WIPF3: variants seen among roughly 807,000 people sequenced by gnomAD.
The protein encoded by WIPF3 is WAS/WASL-interacting protein family member 3.
Under a neutral mutation model 38.9 loss-of-function variants are expected in WIPF3, and 33 were observed. The observed-to-expected ratio is 0.85, with a 90% CI of 0.64 to 1.14. The LOEUF is 1.14. Ranked by LOEUF, WIPF3 falls within the 50% of genes most tolerant of loss-of-function variation. The pLI is 0.00. For missense variants in WIPF3, 711 were observed against 652.5 expected (o/e 1.09, Z -0.98); for synonymous variants, 324 against 269.3 (o/e 1.20, Z -1.99).
chr7:29,854,543 C>G (rs1292113812), intron 2 of WIPF3, among the ~76,000 whole-genome samples: 2 of 152,144 alleles, frequency 1.3e-5, no homozygotes, highest in East Asian at 3.9e-4. Context: ...TTGAGGAGTC[C>G]TGTTTAACAG....
In WIPF3 at chr7:29,835,536, A is replaced by G. The variant is rs140724208; in HGVS notation, c.90+722A>G. On this transcript the variant is annotated intron_variant, in intron 2 of 8. Coordinates refer to ENST00000242140, the MANE Select transcript of WIPF3 (RefSeq NM_001080529.3). ...CCACTAGATGCCAGTAGCACCCCCC[A>G]ATTGTGGCAGTAAAAAAATGGCCCT... Among the ~76,000 whole-genome samples, 189 of 152,172 alleles carry G rather than the reference A, an allele frequency of 1.2e-3. 2 individuals carry two copies. The highest frequency in any genetic ancestry group is 4.3e-3 in the African/African-American group (178 of 41,540).
intron 8 of WIPF3, among the ~76,000 whole-genome samples, chr7:29,912,146 AAAC>A (rs1207608692): frequency 1.3e-5 from 2 of 152,192 alleles, no homozygotes; most frequent in Non-Finnish European, 2.9e-5. Flanking sequence ...TAAAGAAGAT[AAAC>A]AAATGGCCAA....
intron 1 of WIPF3, among the ~76,000 whole-genome samples, chr7:29,827,080 C>T (rs1025866536): frequency 6.6e-6 from 1 of 152,170 alleles, no homozygotes; most frequent in Non-Finnish European, 1.5e-5. Flanking sequence ...AGGGCTGTGT[C>T]AGGGCTAATT....
At chr7:29,862,480 C>T (rs141423330) in intron 2 of WIPF3, among the ~76,000 whole-genome samples, 1 of 152,322 alleles carries the variant, frequency 6.6e-6, no homozygotes, top group Non-Finnish European at 1.5e-5. Flanking sequence ...ATATTATCAT[C>T]TCTGTCCTGA....
intron 7 of WIPF3, among the ~76,000 whole-genome samples, chr7:29,891,435 C>T (rs183046616): frequency 1.2e-4 from 18 of 152,332 alleles, no homozygotes; most frequent in South Asian, 8.3e-4. Flanking sequence ...TGCTGGCCTG[C>T]GTGGCTGTAC....
At chr7:29,896,386 A>G (rs1019694217) in intron 7 of WIPF3, among the ~76,000 whole-genome samples, 2 of 152,196 alleles carry the variant, frequency 1.3e-5, no homozygotes, top group Admixed American at 1.3e-4. Context: ...AGGCCAAAGC[A>G]GGTGGATGGC....
At chr7:29,820,740 A>G (rs1273193826) in intron 1 of WIPF3, among the ~76,000 whole-genome samples, 5 of 152,146 alleles carry the variant, frequency 3.3e-5, no homozygotes, top group Non-Finnish European at 5.9e-5. Context: ...TTTTTCCAAA[A>G]CTAAACCTTT....
chr7:29,865,016 A>G (rs1785361428), intron 2 of WIPF3, among the ~76,000 whole-genome samples: 1 of 152,230 alleles, frequency 6.6e-6, no homozygotes, highest in Non-Finnish European at 1.5e-5. Flanking sequence ...TTTATTGAGT[A>G]ATTACCAGGT....
chr7:29,816,997 C>A (rs530394005), intron 1 of WIPF3, among the ~76,000 whole-genome samples: 38 of 152,122 alleles, frequency 2.5e-4, no homozygotes, highest in Non-Finnish European at 4.6e-4. Context: ...TGTCTGATTC[C>A]CTGCACTCTC....
At chr7:29,883,751 C>G in intron 4 of WIPF3, 99 bp from the exon 5 acceptor site, 1 of 1,459,396 alleles carries the variant, frequency 6.9e-7, no homozygotes, top group South Asian at 1.5e-5. Context: ...TACAGTGCAG[C>G]TCACTGCGGG....
intron 8 of WIPF3, chr7:29,912,554 G>A: frequency 4.7e-6 from 1 of 213,724 alleles, no homozygotes; most frequent in Non-Finnish European, 1.0e-5. Context: ...TGAGCGTGAT[G>A]ATTGAGTATT....
Position 29,875,962 on chromosome 7 carries a change from A to G in WIPF3, c.223A>G (p.Ser75Gly), listed in dbSNP as rs1785587334. 4 of 1,613,370 alleles carry G rather than the reference A, an allele frequency of 2.5e-6. No homozygotes were observed. In the East Asian group the frequency reaches 8.9e-5, roughly 36 times the overall value. The change falls in exon 3 of 9, where the codon AGT becomes GGT. Residue 75 changes from serine (S) to glycine (G), a missense_variant and splice_region_variant. Transcript: ENST00000242140. ...CGACCGCAGTGCCCCGCAGATCGAGAGTAAGTGAGCAGCCGGGCCAGGCCT... is the reference window on the plus strand; with the variant it reads ...CGACCGCAGTGCCCCGCAGATCGAGGGTAAGTGAGCAGCCGGGCCAGGCCT... ...INDRSAPQIE[S>G]SKGTNKEGGG...
chr7:29,904,334 C>T lies in WIPF3; in HGVS notation c.1400C>T (p.Ser467Phe), dbSNP rs753349644. 1.9e-6 allele frequency: 3 copies of T among 1,613,964 alleles called. No homozygotes were observed. Among genetic ancestry groups the T allele is most frequent in the African/African-American group, 2.7e-5 (2 of 75,054 alleles). The change falls in exon 8 of 9, where the codon TCT (serine) becomes TTT (phenylalanine). Residue 467 changes from serine (S) to phenylalanine (F), a missense_variant. Coordinates refer to ENST00000242140, the MANE Select transcript of WIPF3 (RefSeq NM_001080529.3). ...WLQAEAVGQS[S>F]DDIKGRNSQL... Reference sequence around the variant, plus strand: ...CAAGCGGAAGCAGTCGGGCAGAGCTCTGATGACATCAAAGGCAGAAATTCT... The same window carrying T: ...CAAGCGGAAGCAGTCGGGCAGAGCTTTGATGACATCAAAGGCAGAAATTCT...
In WIPF3 at chr7:29,884,036, C is replaced by A; in HGVS notation, c.542C>A (p.Pro181His). 7.0e-7 allele frequency: 1 copy of A among 1,434,450 alleles called. No individual in the cohort carries two copies. 88.9% of individuals were successfully genotyped at this position (1,434,450 alleles called of 1,614,324 possible). ...GCCCCGCCCCCTCCCACCCCACCCC[C>A]TCCGCCTCCACCCTTACCCCCGCCC... ...VPAPPPPTPP[P>H]PPPPLPPPLP... is the part of the protein sequence containing the mutation. Residue 181 changes from proline to histidine, a missense_variant, in exon 5 of 9, where the codon CCT (proline) becomes CAT (histidine). Coordinates refer to ENST00000242140, the MANE Select transcript of WIPF3 (RefSeq NM_001080529.3).
intron 8 of WIPF3, among the ~76,000 whole-genome samples, chr7:29,909,382 A>G (rs954330441): frequency 5.3e-5 from 8 of 152,228 alleles, no homozygotes; most frequent in African/African-American, 1.7e-4. Flanking sequence ...AAAGATTAAC[A>G]AAACTGACAA....
chr7:29,852,232 C>T (rs1026011758), intron 2 of WIPF3, among the ~76,000 whole-genome samples: 3 of 152,128 alleles, frequency 2.0e-5, no homozygotes, highest in African/African-American at 7.2e-5. Context: ...TTTCAAACTC[C>T]TGGCGTCAAG....
chr7:29,862,825 A>G (rs1785318121), intron 2 of WIPF3, among the ~76,000 whole-genome samples: 1 of 151,396 alleles, frequency 6.6e-6, no homozygotes, highest in African/African-American at 2.4e-5. Context: ...CTTCTTCCCC[A>G]CCTTCCTCCT....
At chr7:29,908,003 C>T (rs1302440322) in intron 8 of WIPF3, among the ~76,000 whole-genome samples, 1 of 152,194 alleles carries the variant, frequency 6.6e-6, no homozygotes, top group African/African-American at 2.4e-5. Context: ...GTAAATCCCT[C>T]CTTGTCAGTA....
chr7:29,896,231 C>T (rs1786140641), intron 7 of WIPF3, among the ~76,000 whole-genome samples: 1 of 150,032 alleles, frequency 6.7e-6, no homozygotes, highest in South Asian at 2.1e-4. Flanking sequence ...ATCATTTGAG[C>T]CCAGGAGTTT....
Sources: allele counts gnomAD v4.1 joint callset (sites outside exome capture counted in the v4.1 genomes callset), GRCh38; gene constraint gnomAD v4.1.1; transcripts MANE v1.5; gene names NCBI Gene and HGNC (gene_info 2026-07-23, HGNC 2026-07-21).